The following NEB variants were observed in gnomAD, a reference collection of about 807,000 sequenced individuals.
NEB encodes the protein nemaline myopathy type 2.
In NEB, 512 loss-of-function variants were observed where a neutral mutation model predicts 952.2. That is an observed-to-expected ratio of 0.54 (90% confidence interval 0.50 to 0.58). The LOEUF is 0.58. Ranked by LOEUF, NEB falls within the 20% of genes least tolerant of loss-of-function variation. The pLI is 0.00. For missense variants in NEB, 8,428 were observed against 9,231.1 expected, an observed-to-expected ratio of 0.91 and a Z score of 3.56; for synonymous variants, 2,900 against 3,149.8, an observed-to-expected ratio of 0.92 and a Z score of 2.66.
At position 151,570,313 on chromosome 2, in the gene NEB, C is replaced by A. The variant is rs371681892; in HGVS notation, c.17198G>T (p.Arg5733Leu). Reference sequence around the variant, plus strand: ...GAGCTTGTCAGCTATGAGGGCCCAGCGGATCTTGTTGTCATCCCTGGCTGT... The same window carrying A: ...GAGCTTGTCAGCTATGAGGGCCCAGAGGATCTTGTTGTCATCCCTGGCTGT... ...TLTARDDNKIRWALIADKLQN... is the reference protein window; with the variant it reads ...TLTARDDNKILWALIADKLQN... Residue 5733 changes from arginine to leucine, a missense_variant, in exon 109 of 182, where the codon CGC becomes CTC. Coordinates refer to ENST00000397345, the MANE Select transcript of NEB (RefSeq NM_001164508.2). 1.9e-5 allele frequency: 31 copies of A among 1,610,242 alleles called. No homozygotes were observed. Among genetic ancestry groups the A allele is most frequent in the Non-Finnish European group, 2.2e-5 (26 of 1,177,290 alleles).
intron 9 of NEB, among the ~76,000 whole-genome samples, chr2:151,722,262 G>A (rs998376589): frequency 1.3e-5 from 2 of 152,110 alleles, no homozygotes; most frequent in East Asian, 1.9e-4. Context: ...ATGGCCTCCC[G>A]CAAATCCAAT....
chr2:151,488,951 G>T (rs560831825), intron 181 of NEB, among the ~76,000 whole-genome samples: 83 of 152,002 alleles, frequency 5.5e-4, no homozygotes, highest in African/African-American at 2.0e-3. Flanking sequence ...TAGCTTTATA[G>T]TATGTTTTGT....
chr2:151,514,679 G>A (rs2076643617), intron 158 of NEB, 139 bp downstream of exon 158: 1 of 654,702 alleles, frequency 1.5e-6, no homozygotes, highest in African/African-American at 1.8e-5. Context: ...TAGATTAGGT[G>A]GTAGTACCAA....
chr2:151,732,999 A>T (rs2099812597), intron 3 of NEB, 122 bp downstream of exon 3: 1 of 807,142 alleles, frequency 1.2e-6, no homozygotes, highest in South Asian at 2.0e-5. Flanking sequence ...TATGCTTTAA[A>T]TGATGACTCT....
chr2:151,689,600 G>A (rs1408208814), intron 24 of NEB: 2 of 152,180 alleles, frequency 1.3e-5, no homozygotes, highest in African/African-American at 4.8e-5. Flanking sequence ...GAACGGATGA[G>A]GCTGTTTAAT....
Position 151,662,216 on chromosome 2 carries a change from G to A in NEB, c.5889C>T (p.His1963=), listed in dbSNP as rs2154168716. 1 of 1,613,628 alleles carries A rather than the reference G, an allele frequency of 6.2e-7. No individual in the cohort carries two copies. The highest frequency in any genetic ancestry group is 2.2e-5 in the East Asian group (1 of 44,866). Residue 1963 remains histidine (H), a synonymous_variant, in exon 46 of 182, where the codon CAC becomes CAT. Transcript: ENST00000397345. ...GTGTGGAATACTTCAAAGTGTCTGG[G>A]TGCTGGCGGTACTTCTTTTCACTAA... ...EIISEKKYRQ[H]PDTLKYSTLM... is the part of the protein sequence containing the mutation.
chr2:151,640,275 G>A, intron 61 of NEB, 80 bp downstream of exon 61: 9 of 1,566,048 alleles, frequency 5.7e-6, no homozygotes, highest in African/African-American at 1.4e-5. Context: ...TGGTGAGCTT[G>A]TGCCATATAT....
At chr2:151,560,967 T>G in intron 123 of NEB, 37 bp downstream of exon 123, 1 of 1,259,426 alleles carries the variant, frequency 7.9e-7, no homozygotes, top group Non-Finnish European at 1.1e-6. Flanking sequence ...GGGGGAAAGG[T>G]GGCTCATATA....
Position 151,646,189 on chromosome 2 carries a change from T to C in NEB, c.7477A>G (p.Ile2493Val), listed in dbSNP as rs200486452. 4.4e-6 allele frequency: 7 copies of C among 1,604,964 alleles called. No individual in the cohort carries two copies. The highest frequency in any genetic ancestry group is 6.0e-6 in the Non-Finnish European group (7 of 1,175,276). ...ACAATGTCAGGTGTATCAGGCATGA[T>C]GTGGATCTGAGTCTTGTCTTTGTCC... ...AWDKDKTQIH[I>V]MPDTPDIVLA... The change falls in exon 55 of 182, where the codon ATC becomes GTC. Residue 2493 changes from isoleucine (I) to valine (V), a missense_variant. This residue lies in a region of NEB where 1,772 missense variants were observed against 1,960.3 expected (regional missense o/e 0.90). Transcript: ENST00000397345.
chr2:151,495,072 C>T (rs1191897389), intron 173 of NEB: 2 of 152,268 alleles, frequency 1.3e-5, no homozygotes, highest in East Asian at 3.8e-4. Context: ...TTGCTATCCT[C>T]TATGCTCTGC....
intron 78 of NEB, 123 bp downstream of exon 78, chr2:151,612,063 G>A: frequency 1.0e-6 from 1 of 989,872 alleles, no homozygotes; most frequent in Non-Finnish European, 1.5e-6. Flanking sequence ...TCTGTTAAAG[G>A]CCTGCATGAG....
At chr2:151,570,664 A>C (rs1250772281) in intron 107 of NEB, 63 bp from the exon 108 acceptor site, 2 of 1,443,618 alleles carry the variant, frequency 1.4e-6, no homozygotes, top group African/African-American at 2.8e-5. Flanking sequence ...TCAATGGCTC[A>C]GGTGGAATTA....
At chr2:151,628,268 C>T (rs527935329) in intron 68 of NEB, among the ~76,000 whole-genome samples, 3 of 152,146 alleles carry the variant, frequency 2.0e-5, no homozygotes, top group East Asian at 1.9e-4. Flanking sequence ...CCACAGATAC[C>T]ATTTTATCCC....
At chr2:151,503,257 G>T in intron 166 of NEB, 92 bp downstream of exon 166, 2 of 905,338 alleles carry the variant, frequency 2.2e-6, no homozygotes, top group Non-Finnish European at 3.6e-6. Flanking sequence ...ACACAGAATT[G>T]CTGTTAAGAT....
chr2:151,667,611 T>C (rs1489301044), intron 40 of NEB, among the ~76,000 whole-genome samples, 193 bp downstream of exon 40: 1 of 152,090 alleles, frequency 6.6e-6, no homozygotes, highest in East Asian at 1.9e-4. Context: ...CACTGCAGCT[T>C]CAAACTCCTG....
Position 151,563,851 on chromosome 2 carries a change from G to A in NEB, c.18551C>T (p.Ala6184Val). ...LDERYIPIVGAKHADLVNSEL... is the reference protein window; with the variant it reads ...LDERYIPIVGVKHADLVNSEL... Reference sequence around the variant, plus strand: ...ACTGTTCACCAGATCAGCATGCTTGGCTCCAACAATGGGAATGTAGCGCTC... The same window carrying A: ...ACTGTTCACCAGATCAGCATGCTTGACTCCAACAATGGGAATGTAGCGCTC... The change falls in exon 118 of 182, where the codon GCC (alanine) becomes GTC (valine). Residue 6184 changes from alanine (A) to valine (V), a missense_variant. By Grantham distance (64) the Ala-to-Val change is moderately conservative (BLOSUM62 0). Coordinates refer to ENST00000397345, the MANE Select transcript of NEB (RefSeq NM_001164508.2). 1.2e-6 allele frequency: 2 copies of A among 1,613,288 alleles called. No individual in the cohort carries two copies. The highest frequency in any genetic ancestry group is 1.1e-5 in the South Asian group (1 of 91,040).
chr2:151,616,738 T>C (rs1219387479), intron 75 of NEB, among the ~76,000 whole-genome samples: 1 of 152,156 alleles, frequency 6.6e-6, no homozygotes, highest in African/African-American at 2.4e-5. Flanking sequence ...ATTGTCATCA[T>C]AATATAAAAG....
chr2:151,612,398 G>C lies in NEB; in HGVS notation c.11602-9C>G. 6.2e-7 allele frequency: 1 copy of C among 1,611,046 alleles called. No individual in the cohort carries two copies. The highest frequency in any genetic ancestry group is 1.3e-5 in the African/African-American group (1 of 74,984). On this transcript the variant is annotated splice_polypyrimidine_tract_variant and intron_variant, in intron 77 of 181. Coordinates refer to ENST00000397345, the MANE Select transcript of NEB (RefSeq NM_001164508.2). ...TCAGATTTGTAAATAGCCTGAAAAT[G>C]AAATAATGTCAAATATTTATAGATG...
chr2:151,519,133 T>C (rs1476124164), intron 154 of NEB, 64 bp from the exon 155 acceptor site: 7 of 1,048,678 alleles, frequency 6.7e-6, no homozygotes, highest in Non-Finnish European at 1.0e-5. Flanking sequence ...CTAATGGAAA[T>C]CAAAGTGAGA....
Sources: gnomAD v4.1 joint callset for allele counts (sites outside exome capture counted in the v4.1 genomes callset) on GRCh38, gnomAD v4.1.1 for gene constraint, gnomAD v4.1.1 regional missense constraint, MANE v1.5 for transcripts, NCBI Gene and HGNC (gene_info 2026-07-23, HGNC 2026-07-21) for gene names.